RPIA: variants seen among roughly 807,000 people sequenced by gnomAD.
RPIA encodes the protein ribose 5-phosphate isomerase A.
RPIA carries 29 observed loss-of-function variants against 37.8 expected under a neutral mutation model. That is an observed-to-expected ratio of 0.77 (90% confidence interval 0.57 to 1.05). The LOEUF is 1.05. Ranked by LOEUF, RPIA falls within the 50% of genes least tolerant of loss-of-function variation. The probability of loss-of-function intolerance (pLI) is 0.00; values close to 1 mark genes in which losing one functional copy is unlikely to be tolerated. For missense variants in RPIA, 385 were observed against 413.6 expected (o/e 0.93, Z 0.60); for synonymous variants, 167 against 157.0 (o/e 1.06, Z -0.48).
intron 3 of RPIA, among the ~76,000 whole-genome samples, chr2:88,705,440 C>T (rs1047633123): frequency 3.9e-5 from 6 of 152,094 alleles, no homozygotes; most frequent in African/African-American, 1.4e-4. Flanking sequence ...TTCGACAAAC[C>T]TGACAAAAGC....
chr2:88,707,403 G>A lies in RPIA; in HGVS notation c.402+7339G>A, dbSNP rs189847280. ...AGGTTCTTTTTGCTTTAGTTGGCTAGTGCTGTTTTATCCACCAAACATGTT... is the reference window on the plus strand; with the variant it reads ...AGGTTCTTTTTGCTTTAGTTGGCTAATGCTGTTTTATCCACCAAACATGTT... On this transcript the variant is annotated intron_variant, in intron 3 of 8. Coordinates refer to ENST00000283646, the MANE Select transcript of RPIA (RefSeq NM_144563.3). Among the ~76,000 whole-genome samples the A allele has an allele frequency of 1.2e-3, 178 of 152,110 alleles. 1 individual carries two copies. Among genetic ancestry groups the A allele is most frequent in the African/African-American group, 4.2e-3 (173 of 41,486 alleles).
At chr2:88,700,353 G>C (rs1394140821) in intron 3 of RPIA, among the ~76,000 whole-genome samples, 1 of 152,166 alleles carries the variant, frequency 6.6e-6, no homozygotes, top group South Asian at 2.1e-4. Context: ...ATTTATAGGT[G>C]AAAAAAATCA....
intron 1 of RPIA, among the ~76,000 whole-genome samples, chr2:88,694,307 T>A (rs1399267135): frequency 6.6e-6 from 1 of 152,220 alleles, no homozygotes; most frequent in Non-Finnish European, 1.5e-5. Context: ...GGCCTTGCAA[T>A]TCCTGGTCTC....
At chr2:88,745,605 C>T (rs1472632867) in intron 8 of RPIA, among the ~76,000 whole-genome samples, 1 of 151,856 alleles carries the variant, frequency 6.6e-6, no homozygotes, top group Non-Finnish European at 1.5e-5. Context: ...AAGATAAGAC[C>T]CCAATCCCTT....
intron 8 of RPIA, among the ~76,000 whole-genome samples, chr2:88,744,856 C>T (rs1253093216): frequency 2.6e-5 from 4 of 152,178 alleles, no homozygotes; most frequent in Admixed American, 2.6e-4. Context: ...TATCTTTTCC[C>T]ACCCCTTTAC....
chr2:88,750,093 G>A lies in RPIA; in HGVS notation c.*15G>A, dbSNP rs375899017. ...CTTTCTGTTGACCCTGCAAGGAGCA[G>A]AGTGTGTTCACCTTGAGTCTCCAGC... On this transcript the variant is annotated 3_prime_UTR_variant, in exon 9 of 9. Transcript: ENST00000283646. 1.7e-4 allele frequency: 269 copies of A among 1,580,650 alleles called. No homozygotes were observed. The highest frequency in any genetic ancestry group is 2.2e-4 in the Non-Finnish European group (258 of 1,151,998).
At chr2:88,703,142 C>T (rs1043637495) in intron 3 of RPIA, among the ~76,000 whole-genome samples, 2 of 152,182 alleles carry the variant, frequency 1.3e-5, no homozygotes, top group South Asian at 4.1e-4. Flanking sequence ...GCACAGCCTT[C>T]CTCCTGGCTG....
At chr2:88,735,196 A>G (rs1240010912) in intron 5 of RPIA, among the ~76,000 whole-genome samples, 1 of 152,180 alleles carries the variant, frequency 6.6e-6, no homozygotes, top group African/African-American at 2.4e-5. Flanking sequence ...AATCCTGTCA[A>G]CTGCAGATGT....
chr2:88,705,676 C>CA lies in RPIA; in HGVS notation c.402+5617dup, dbSNP rs573695689. 7.2e-5 allele frequency among the ~76,000 whole-genome samples: 11 copies of CA among 152,240 alleles called. No homozygotes were observed. In the South Asian group the frequency reaches 8.3e-4, roughly 11 times the overall value. Reference sequence around the variant, plus strand: ...GGCAATGATTTCATGACAAAAACATCAAAAACAATTGCAACAAAAACCAAT... The same window carrying CA: ...GGCAATGATTTCATGACAAAAACATCAAAAAACAATTGCAACAAAAACCAAT... On this transcript the variant is annotated intron_variant, in intron 3 of 8. Transcript: ENST00000283646.
At chr2:88,742,259 T>C (rs1057269413) in intron 8 of RPIA, among the ~76,000 whole-genome samples, 1 of 152,234 alleles carries the variant, frequency 6.6e-6, no homozygotes, top group African/African-American at 2.4e-5. Flanking sequence ...GTTTCATTCT[T>C]CTATATGTGG....
chr2:88,698,660 A>G, intron 2 of RPIA, 116 bp downstream of exon 2: 2 of 887,788 alleles, frequency 2.3e-6, no homozygotes, highest in East Asian at 2.4e-5. Context: ...TCAGCAGTAC[A>G]GAGCTGGAGA....
At chr2:88,721,298 G>C (rs986000161) in intron 3 of RPIA, among the ~76,000 whole-genome samples, 6 of 151,378 alleles carry the variant, frequency 4.0e-5, no homozygotes, top group African/African-American at 1.5e-4. Context: ...AAACCACCGT[G>C]GCATGTATAT....
chr2:88,727,816 T>C (rs554116695), intron 3 of RPIA, among the ~76,000 whole-genome samples: 1 of 152,358 alleles, frequency 6.6e-6, no homozygotes, highest in African/African-American at 2.4e-5. Context: ...GCTGTTTTCC[T>C]TTTCAGCATA....
At position 88,735,653 on chromosome 2, in the gene RPIA, T is replaced by G. The variant is rs1322101234; in HGVS notation, c.528-16T>G. ...TTTTTGTCTTACTCCTGTGTTCCTTTGCTTCTTTCCTGCAGAGGCTGCCTG... is the reference window on the plus strand; with the variant it reads ...TTTTTGTCTTACTCCTGTGTTCCTTGGCTTCTTTCCTGCAGAGGCTGCCTG... On this transcript the variant is annotated splice_polypyrimidine_tract_variant and intron_variant, in intron 5 of 8. Transcript: ENST00000283646. 6.8e-6 allele frequency: 11 copies of G among 1,613,904 alleles called. No individual in the cohort carries two copies. Among genetic ancestry groups the G allele is most frequent in the Non-Finnish European group, 9.3e-6 (11 of 1,179,784 alleles).
intron 8 of RPIA, 139 bp from the exon 9 acceptor site, chr2:88,749,842 C>G (rs1328303350): frequency 1.5e-5 from 10 of 654,580 alleles, no homozygotes; most frequent in Admixed American, 4.2e-5. Context: ...TTTCATTGCT[C>G]TGTGGGAGAA....
chr2:88,701,023 CA>C (rs1159773867), intron 3 of RPIA, among the ~76,000 whole-genome samples: 2 of 152,164 alleles, frequency 1.3e-5, no homozygotes, highest in African/African-American at 2.4e-5. Context: ...AGGATGCTGG[CA>C]GCCTGCAACC....
intron 3 of RPIA, among the ~76,000 whole-genome samples, chr2:88,726,578 C>A (rs13014222): frequency 0.28 from 42,907 of 151,952 alleles, 6,204 homozygotes; most frequent in Admixed American, 0.32. Flanking sequence ...TGGCACTCCA[C>A]AAATATTCAA....
intron 3 of RPIA, among the ~76,000 whole-genome samples, chr2:88,713,914 T>G (rs1488118116): frequency 1.3e-5 from 2 of 151,966 alleles, no homozygotes; most frequent in African/African-American, 4.8e-5. Context: ...ATGGTTAATT[T>G]TTTTTTTTTT....
chr2:88,747,021 TTA>T (rs1673445913), intron 8 of RPIA, among the ~76,000 whole-genome samples: 1 of 152,082 alleles, frequency 6.6e-6, no homozygotes, highest in African/African-American at 2.4e-5. Flanking sequence ...TCCCAAGAGT[TTA>T]TGTCTTTTGT....
Sources: gnomAD v4.1 joint callset for allele counts (sites outside exome capture counted in the v4.1 genomes callset) on GRCh38, gnomAD v4.1.1 for gene constraint, MANE v1.5 for transcripts, NCBI Gene and HGNC (gene_info 2026-07-23, HGNC 2026-07-21) for gene names.